Variants in NUP188 observed in about 807,000 individuals in gnomAD.
The protein encoded by NUP188 is nucleoporin NUP188.
Under a neutral mutation model 223.0 loss-of-function variants are expected in NUP188, and 97 were observed. That is an observed-to-expected ratio of 0.43 (90% CI 0.37 to 0.51). NUP188 has a LOEUF of 0.51. Ranked by LOEUF, NUP188 falls within the 20% of genes least tolerant of loss-of-function variation. NUP188 has a pLI of 0.00. For missense variants in NUP188, 1,947 were observed against 2,175.6 expected (o/e 0.89, Z 2.09); for synonymous variants, 869 against 828.0 (o/e 1.05, Z -0.85).
chr9:129,005,347 C>T lies in NUP188; in HGVS notation c.4554C>T (p.Val1518=). The T allele has an allele frequency of 6.2e-7, 1 of 1,614,048 alleles. No homozygotes were observed. Among genetic ancestry groups the T allele is most frequent in the Non-Finnish European group, 8.5e-7 (1 of 1,180,044 alleles). Residue 1518 remains valine, a synonymous_variant, in exon 40 of 44, where the codon GTC becomes GTT. Transcript: ENST00000372577. Reference sequence around the variant, plus strand: ...TCCCCTCAGCTGTTGCCCAGCGAGTCCAGAGGCCACCGTCTGCTGCTTCTG... The same window carrying T: ...TCCCCTCAGCTGTTGCCCAGCGAGTTCAGAGGCCACCGTCTGCTGCTTCTG... ...DGLPSAVAQR[V]QRPPSAASAA...
In NUP188 at chr9:129,001,979, G is replaced by A; in HGVS notation, c.4137+3G>A. ...TGAGCACCAACGGCACAGCACAGGT[G>A]AGTGTCAGGAGCTTGCCAGGAGGCC... On this transcript the variant is annotated splice_donor_region_variant and intron_variant, in intron 36 of 43. Transcript: ENST00000372577. 6 of 1,613,262 alleles carry A rather than the reference G, an allele frequency of 3.7e-6. No individual in the cohort carries two copies. The highest frequency in any genetic ancestry group is 5.1e-6 in the Non-Finnish European group (6 of 1,179,246).
At chr9:128,966,168 T>TGC (rs1554828497) in intron 8 of NUP188, among the ~76,000 whole-genome samples, 18 of 128,842 alleles carry the variant, frequency 1.4e-4, no homozygotes, top group Admixed American at 2.4e-4. Context: ...TGTGTGTGTG[T>TGC]GCGTGTGCCC....
At chr9:128,976,942 G>C (rs947375596) in intron 12 of NUP188, among the ~76,000 whole-genome samples, 2 of 151,954 alleles carry the variant, frequency 1.3e-5, no homozygotes, top group African/African-American at 4.8e-5. Context: ...ACTGAGTGTG[G>C]TGGCGCGCAC....
intron 12 of NUP188, among the ~76,000 whole-genome samples, chr9:128,978,911 A>G (rs1049814893): frequency 3.3e-5 from 5 of 152,114 alleles, no homozygotes; most frequent in Admixed American, 6.5e-5. Context: ...GGGTTTCACC[A>G]TGTTGGCCAG....
chr9:128,961,463 G>T (rs1218351043), intron 8 of NUP188, among the ~76,000 whole-genome samples: 2 of 151,950 alleles, frequency 1.3e-5, no homozygotes, highest in Non-Finnish European at 2.9e-5. Flanking sequence ...AGTGAGCCGA[G>T]ATGACGCCAG....
Position 128,993,188 on chromosome 9 carries a change from C to G in NUP188, c.2641-9C>G. Reference sequence around the variant, plus strand: ...GAGCTCTAAGCCTGTGTGTTCCGGTCTCCACCAGGTGGCCCCAATGTCAGT... The same window carrying G: ...GAGCTCTAAGCCTGTGTGTTCCGGTGTCCACCAGGTGGCCCCAATGTCAGT... On this transcript the variant is annotated splice_polypyrimidine_tract_variant and intron_variant, in intron 25 of 43. Transcript: ENST00000372577. The G allele has an allele frequency of 1.2e-6, 2 of 1,612,410 alleles. No homozygotes were observed. Among genetic ancestry groups the G allele is most frequent in the Non-Finnish European group, 1.7e-6 (2 of 1,178,486 alleles).
Position 128,998,172 on chromosome 9 carries a change from G to A in NUP188, c.3373G>A (p.Asp1125Asn), listed in dbSNP as rs764095808. ...GCAGGCAGATATAATGCACCTGACTGACTCTGTGGTGCGTCGCCAGCTCTT... is the reference window on the plus strand; with the variant it reads ...GCAGGCAGATATAATGCACCTGACTAACTCTGTGGTGCGTCGCCAGCTCTT... ...TTHADIMHLTDSVVRRQLFLD... is the reference protein window; with the variant it reads ...TTHADIMHLTNSVVRRQLFLD... Residue 1125 changes from aspartate to asparagine, a missense_variant, in exon 31 of 44, where the codon GAC (aspartate) becomes AAC (asparagine). Asp to Asn is a conservative substitution (Grantham distance 23). This residue lies in a region of NUP188 where 905 missense variants were observed against 990.6 expected (regional missense o/e 0.91). Transcript: ENST00000372577. The A allele has an allele frequency of 1.9e-6, 3 of 1,614,072 alleles. No homozygotes were observed. In the South Asian group the frequency reaches 3.3e-5, roughly 18 times the overall value.
At position 128,947,724 on chromosome 9, in the gene NUP188, C is replaced by T. The variant is rs777561536; in HGVS notation, c.5C>T (p.Ala2Val). The T allele has an allele frequency of 4.8e-6, 7 of 1,467,918 alleles. No individual in the cohort carries two copies. Among genetic ancestry groups the T allele is most frequent in the African/African-American group, 1.4e-5 (1 of 69,236 alleles). The allele number at this position is 1,467,918 out of a possible 1,614,324, so 90.9% of individuals were successfully genotyped here. ...AGGGCGAGCGGGCGCGCGAAGATGG[C>T]GGCGGCCGCCGGCGGGCCGTGTGTG... The part of the protein sequence containing the change: M[A>V]AAAGGPCVRS... Residue 2 changes from alanine (A) to valine (V), a missense_variant, in exon 1 of 44, where the codon GCG becomes GTG. This residue lies in a region of NUP188 where 817 missense variants were observed against 865.8 expected (regional missense o/e 0.94). Coordinates refer to ENST00000372577, the MANE Select transcript of NUP188 (RefSeq NM_015354.3).
intron 8 of NUP188, among the ~76,000 whole-genome samples, chr9:128,964,588 C>T (rs1315119482): frequency 6.9e-6 from 1 of 145,344 alleles, no homozygotes; most frequent in African/African-American, 2.6e-5. Flanking sequence ...CCAGGCTGGT[C>T]TTAAGCTCCT....
At chr9:128,976,943 T>C (rs570060321) in intron 12 of NUP188, among the ~76,000 whole-genome samples, 5 of 151,994 alleles carry the variant, frequency 3.3e-5, no homozygotes, top group Admixed American at 2.6e-4. Flanking sequence ...CTGAGTGTGG[T>C]GGCGCGCACG....
chr9:129,000,426 C>A (rs1842622096), intron 34 of NUP188, among the ~76,000 whole-genome samples: 1 of 152,136 alleles, frequency 6.6e-6, no homozygotes, highest in South Asian at 2.1e-4. Context: ...TCACGCCATT[C>A]TCCCACCTCA....
In NUP188 at chr9:128,982,975, G is replaced by A. The variant is rs148151804; in HGVS notation, c.1743G>A (p.Ser581=). 7.9e-5 allele frequency: 128 copies of A among 1,614,114 alleles called. No homozygotes were observed. The East Asian group carries it at 2.3e-3, about 29-fold the overall frequency. ...ATAAGGTCATCAGTACAGACCTGTC[G>A]ATAGCAGACTGTCTCCTGCCCATCA... ...LVHKVISTDL[S]IADCLLPITS... is the part of the protein sequence containing the mutation. The change falls in exon 17 of 44, where the codon TCG becomes TCA. Residue 581 remains serine, a synonymous_variant. Coordinates refer to ENST00000372577, the MANE Select transcript of NUP188 (RefSeq NM_015354.3).
In NUP188 at chr9:128,975,156, C is replaced by T. The variant is rs1204076466; in HGVS notation, c.1203+1907C>T. On this transcript the variant is annotated intron_variant, in intron 12 of 43. Transcript: ENST00000372577. ...CTTATATATTTTGATAGCTCTGTTG[C>T]TTTCTTGTCTTTTTTATTTTCTCCG... 3.4e-5 allele frequency among the ~76,000 whole-genome samples: 5 copies of T among 149,232 alleles called. No homozygotes were observed. The East Asian group carries it at 7.9e-4, about 23-fold the overall frequency.
chr9:128,984,345 C>T (rs1414466778), intron 19 of NUP188, among the ~76,000 whole-genome samples: 1 of 151,480 alleles, frequency 6.6e-6, no homozygotes, highest in Non-Finnish European at 1.5e-5. Context: ...AGGCTGGTCT[C>T]GAACTCCTGA....
chr9:128,957,990 T>C lies in NUP188; in HGVS notation c.328-20T>C, dbSNP rs762559868. On this transcript the variant is annotated intron_variant, in intron 5 of 43. Coordinates refer to ENST00000372577, the MANE Select transcript of NUP188 (RefSeq NM_015354.3). Reference sequence around the variant, plus strand: ...TTTGCCTAAAAGATGGCCTCTTAACTGCTCTGTTTTTCTTTTCAGACAGTA... The same window carrying C: ...TTTGCCTAAAAGATGGCCTCTTAACCGCTCTGTTTTTCTTTTCAGACAGTA... 1.4e-5 allele frequency: 22 copies of C among 1,607,076 alleles called. No homozygotes were observed. The highest frequency in any genetic ancestry group is 1.8e-5 in the Non-Finnish European group (21 of 1,176,014).
chr9:129,001,505 T>TA (rs767060687), intron 34 of NUP188, 24 bp from the exon 35 acceptor site: 1 of 1,605,706 alleles, frequency 6.2e-7, no homozygotes, highest in Admixed American at 1.7e-5. Context: ...CTTCCCCCTT[T>TA]TACTCATCTT....
chr9:128,981,468 A>G (rs745931836), intron 15 of NUP188, 78 bp downstream of exon 15: 121 of 1,430,734 alleles, frequency 8.5e-5, no homozygotes, highest in Non-Finnish European at 1.1e-4. Flanking sequence ...GCTGGAGTGC[A>G]GTGGCAAGAT....
rs900433451 is a variant in NUP188, at chr9:128,968,794, G to C, written c.797+77G>C. ...ACTATAGTGGTATGTAAGCAGGTAG[G>C]GGGTAGGTGTACTTTTCACTTAATC... On this transcript the variant is annotated intron_variant, in intron 9 of 43. Transcript: ENST00000372577. 13 of 1,122,152 alleles carry C rather than the reference G, an allele frequency of 1.2e-5. No individual in the cohort carries two copies. In the Admixed American group the frequency reaches 1.5e-4, roughly 13 times the overall value. The allele number at this position is 1,122,152 out of a possible 1,614,324, so 69.5% of individuals were successfully genotyped here.
intron 19 of NUP188, among the ~76,000 whole-genome samples, 191 bp from the exon 20 acceptor site, chr9:128,984,709 T>C (rs1213020783): frequency 6.6e-6 from 1 of 152,146 alleles, no homozygotes; most frequent in East Asian, 1.9e-4. Context: ...TCAATCTAGG[T>C]TTTACATCAA....
Sources: allele counts gnomAD v4.1 joint callset (sites outside exome capture counted in the v4.1 genomes callset), GRCh38; gene constraint gnomAD v4.1.1; regional missense constraint gnomAD v4.1.1; transcripts MANE v1.5; gene names NCBI Gene and HGNC (gene_info 2026-07-23, HGNC 2026-07-21).